Variants in SEMA3A observed in about 807,000 individuals in gnomAD.
SEMA3A encodes the protein semaphorin-3A.
SEMA3A carries 29 observed loss-of-function variants against 97.9 expected under a neutral mutation model. The ratio of observed to expected loss-of-function variants is 0.30; its 90% CI spans 0.22 to 0.40. The LOEUF (loss-of-function observed/expected upper bound fraction) is 0.40. SEMA3A is among the 10% of genes least tolerant of loss of function. The pLI, the probability that SEMA3A is intolerant of heterozygous loss-of-function variation, is 1.00. For missense variants in SEMA3A, 763 were observed against 951.3 expected (o/e 0.80, Z 2.60); for synonymous variants, 321 against 323.7 (o/e 0.99, Z 0.09).
chr7:84,135,124 T>C (rs1198236254), intron 1 of SEMA3A, among the ~76,000 whole-genome samples, 173 bp from the exon 2 acceptor site: 1 of 151,842 alleles, frequency 6.6e-6, no homozygotes, highest in African/African-American at 2.4e-5. Flanking sequence ...TACTTTTTTT[T>C]TTTTTTTTTG....
At chr7:84,108,953 A>T (rs1442021315) in intron 4 of SEMA3A, among the ~76,000 whole-genome samples, 1 of 151,134 alleles carries the variant, frequency 6.6e-6, no homozygotes, top group Non-Finnish European at 1.5e-5. Context: ...TTCCATTGCC[A>T]ATCATGTAGA....
chr7:84,200,151 G>T (rs753637763), upstream of SEMA3A, among the ~76,000 whole-genome samples: 1 of 150,762 alleles, frequency 6.6e-6, no homozygotes, highest in Non-Finnish European at 1.5e-5. Context: ...ATTTGTAACA[G>T]TTGGGGGAAA....
intron 3 of SEMA3A, among the ~76,000 whole-genome samples, chr7:84,300,032 C>CAAAAAAAAAAAAAAA (rs58929555): frequency 1.9e-5 from 1 of 53,296 alleles, no homozygotes; most frequent in Non-Finnish European, 3.9e-5. Context: ...GACTCAGTCA[C>CAAAAAAAAAAAAAAA]AAAAAAAAAA....
At chr7:84,154,750 C>T (rs1020688253) in intron 1 of SEMA3A, among the ~76,000 whole-genome samples, 7 of 148,886 alleles carry the variant, frequency 4.7e-5, no homozygotes, top group Non-Finnish European at 7.4e-5. Context: ...TATTTTAGAT[C>T]TGTTTCAGAT....
intron 3 of SEMA3A, among the ~76,000 whole-genome samples, chr7:84,283,906 T>C (rs1451622260): frequency 6.6e-6 from 1 of 152,156 alleles, no homozygotes; most frequent in Non-Finnish European, 1.5e-5. Flanking sequence ...AAATTAAATT[T>C]ATTCCTTAAA....
At chr7:84,132,302 T>C (rs552456357) in intron 2 of SEMA3A, among the ~76,000 whole-genome samples, 2 of 152,332 alleles carry the variant, frequency 1.3e-5, no homozygotes, top group East Asian at 3.8e-4. Flanking sequence ...ATTTACCTTG[T>C]AATTCATTAT....
At chr7:84,376,637 T>C (rs1431696119) in intron 1 of SEMA3A, among the ~76,000 whole-genome samples, 1 of 133,152 alleles carries the variant, frequency 7.5e-6, no homozygotes, top group Admixed American at 7.7e-5. Flanking sequence ...AAAAAAGAAG[T>C]GTTCACATCT....
chr7:83,978,431 A>G (rs1416889324), intron 14 of SEMA3A, among the ~76,000 whole-genome samples: 1 of 152,112 alleles, frequency 6.6e-6, no homozygotes, highest in Non-Finnish European at 1.5e-5. Context: ...TGCAACAAAG[A>G]TGTGAAGTTC....
chr7:84,215,352 A>T (rs563213880), intron 3 of SEMA3A, among the ~76,000 whole-genome samples: 2 of 149,832 alleles, frequency 1.3e-5, no homozygotes, highest in South Asian at 4.3e-4. Context: ...CACCCAGCTA[A>T]TTTTTTTGTA....
intron 1 of SEMA3A, among the ~76,000 whole-genome samples, chr7:84,412,420 GCAAA>G (rs569912344): frequency 2.2e-4 from 33 of 152,266 alleles, no homozygotes; most frequent in Admixed American, 6.5e-4. Flanking sequence ...GTCACAGTTT[GCAAA>G]CAATGTGGTT....
intron 14 of SEMA3A, among the ~76,000 whole-genome samples, chr7:83,979,475 A>G (rs1037806447): frequency 6.6e-6 from 1 of 152,268 alleles, no homozygotes; most frequent in East Asian, 1.9e-4. Context: ...CTAGAGTTAA[A>G]TGTTTTTGAG....
intron 3 of SEMA3A, among the ~76,000 whole-genome samples, chr7:84,270,681 A>G (rs1800125569): frequency 6.7e-6 from 1 of 148,780 alleles, no homozygotes; most frequent in African/African-American, 2.4e-5. Flanking sequence ...GAATATATAT[A>G]GATATATATG....
intron 4 of SEMA3A, among the ~76,000 whole-genome samples, chr7:84,073,271 GGT>G (rs1036392981): frequency 6.6e-6 from 1 of 151,680 alleles, no homozygotes; most frequent in Admixed American, 6.6e-5. Flanking sequence ...TATGGGTGTG[GGT>G]GTGTGTGTCT....
At chr7:84,339,662 C>T (rs1282257616) in intron 2 of SEMA3A, among the ~76,000 whole-genome samples, 1 of 152,098 alleles carries the variant, frequency 6.6e-6, no homozygotes, top group East Asian at 1.9e-4. Context: ...TTGATTGGGG[C>T]ATTTGGGTTC....
chr7:84,292,075 C>G (rs1800761251), intron 3 of SEMA3A, among the ~76,000 whole-genome samples: 1 of 152,110 alleles, frequency 6.6e-6, no homozygotes, highest in South Asian at 2.1e-4. Flanking sequence ...AAATTACCAA[C>G]CAATTGTGAC....
At chr7:84,018,122 T>C (rs1451969045) in intron 6 of SEMA3A, among the ~76,000 whole-genome samples, 3 of 152,182 alleles carry the variant, frequency 2.0e-5, no homozygotes, top group Non-Finnish European at 2.9e-5. Context: ...TCGACAAATA[T>C]ACATCTTTAA....
chr7:84,216,251 C>T (rs368201141), intron 3 of SEMA3A, among the ~76,000 whole-genome samples: 4 of 151,976 alleles, frequency 2.6e-5, no homozygotes, highest in East Asian at 1.9e-4. Context: ...GGACTACAGG[C>T]GCTCGCCACC....
chr7:84,487,883 G>T (rs1390672842), intron 1 of SEMA3A, among the ~76,000 whole-genome samples: 1 of 152,014 alleles, frequency 6.6e-6, no homozygotes, highest in Non-Finnish European at 1.5e-5. Context: ...GGAAAAATGA[G>T]AATTAAAGGA....
intron 3 of SEMA3A, among the ~76,000 whole-genome samples, chr7:84,306,078 G>A (rs113242264): frequency 6.6e-6 from 1 of 151,710 alleles, no homozygotes; most frequent in Admixed American, 6.6e-5. Flanking sequence ...TCCCATAAAA[G>A]AATCAAATAT....
Sources: allele counts gnomAD v4.1 joint callset (sites outside exome capture counted in the v4.1 genomes callset), GRCh38; gene constraint gnomAD v4.1.1; transcripts MANE v1.5; gene names NCBI Gene and HGNC (gene_info 2026-07-23, HGNC 2026-07-21).